The following VEGFC variants were observed in gnomAD, a reference collection of about 807,000 sequenced individuals.
The protein encoded by VEGFC is vascular endothelial growth factor C.
A neutral mutation model predicts 46.1 loss-of-function variants in VEGFC; 12 were observed. The observed-to-expected ratio is 0.26, with a 90% confidence interval of 0.17 to 0.42. The LOEUF (loss-of-function observed/expected upper bound fraction) is 0.42. Among genes scored for constraint, VEGFC ranks in the 10% least tolerant of loss-of-function variants. The probability of loss-of-function intolerance (pLI) is 1.00; values close to 1 mark genes in which losing one functional copy is unlikely to be tolerated. For synonymous variants in VEGFC, 232 were observed against 195.5 expected (o/e 1.19, Z -1.56); for missense variants, 488 against 529.4 (o/e 0.92, Z 0.77).
intron 1 of VEGFC, among the ~76,000 whole-genome samples, chr4:176,777,697 G>A (rs1415781241): frequency 3.4e-5 from 5 of 149,222 alleles, no homozygotes; most frequent in East Asian, 1.9e-4. Context: ...CGAGGCAGGC[G>A]GATCACAAGG....
rs548245898 is a variant in VEGFC at position 176,731,105 on chromosome 4, G to A, written c.148-1359C>T. 2.4e-3 allele frequency among the ~76,000 whole-genome samples: 362 copies of A among 152,074 alleles called. 1 individual carries two copies. The highest frequency in any genetic ancestry group is 4.4e-3 in the Non-Finnish European group (297 of 67,968). The stretch of plus-strand genomic sequence containing the variant: ...ATTCCATTACTTTCTGAAGTATATG[G>A]GATGATTCCTGATACACCATACAGC... On this transcript the variant is annotated intron_variant, in intron 1 of 6. Transcript: ENST00000618562.
intron 6 of VEGFC, among the ~76,000 whole-genome samples, chr4:176,685,229 C>G (rs1325323925): frequency 6.6e-6 from 1 of 152,124 alleles, no homozygotes; most frequent in African/African-American, 2.4e-5. Context: ...TTAAACTTTG[C>G]AAATGCAAAT....
At position 176,792,191 on chromosome 4, in the gene VEGFC, C is replaced by G. The variant is rs575735491; in HGVS notation, c.121G>C (p.Ala41Pro). 1.4e-5 allele frequency: 22 copies of G among 1,533,976 alleles called. No individual in the cohort carries two copies. The East Asian group carries it at 4.9e-4, about 34-fold the overall frequency. ...AFESGLDLSD[A>P]EPDAGEATAY... ...GTGGCCTCGCCCGCGTCGGGCTCCG[C>G]GTCCGAGAGGTCGAGTCCGGACTCG... The change falls in exon 1 of 7, where the codon GCG (alanine) becomes CCG (proline). Residue 41 changes from alanine (A) to proline (P), a missense_variant. Transcript: ENST00000618562. The surrounding 1 kb of genome is among the most constrained non-coding windows in gnomAD (Gnocchi z 6.3).
intron 4 of VEGFC, 110 bp from the exon 5 acceptor site, chr4:176,688,037 T>C (rs1431472194): frequency 3.5e-6 from 2 of 565,708 alleles, no homozygotes; most frequent in Non-Finnish European, 6.2e-6. Context: ...TTTAAAAATA[T>C]AAGAATTATG....
At chr4:176,758,360 T>C (rs1244834770) in intron 1 of VEGFC, among the ~76,000 whole-genome samples, 1 of 152,138 alleles carries the variant, frequency 6.6e-6, no homozygotes, top group Admixed American at 6.6e-5. Flanking sequence ...ACCTCACCGA[T>C]CTACCAAATG....
At position 176,726,479 on chromosome 4, in the gene VEGFC, T is replaced by C. The variant is rs116548087; in HGVS notation, c.552+1299A>G. Among the ~76,000 whole-genome samples the C allele has an allele frequency of 3.6e-3, 544 of 152,328 alleles. 3 individuals are homozygous for C. The highest frequency in any genetic ancestry group is 0.011 in the African/African-American group (478 of 41,578). On this transcript the variant is annotated intron_variant, in intron 3 of 6. Transcript: ENST00000618562. ...GAATAGAAAATTTAGCTTTATAATT[T>C]ATTTTTTGTTTCTTCTTGCAAGTCT...
At position 176,683,947 on chromosome 4, in the gene VEGFC, C is replaced by A; in HGVS notation, c.1239G>T (p.Trp413Cys). ...EEVCRCVPSY[W>C]KRPQMS Reference sequence around the variant, plus strand: ...AATCTTAGCTCATTTGTGGTCTTTTCCAATATGAAGGGACACAACGACACA... The same window carrying A: ...AATCTTAGCTCATTTGTGGTCTTTTACAATATGAAGGGACACAACGACACA... Residue 413 changes from tryptophan to cysteine, a missense_variant, in exon 7 of 7, where the codon TGG (tryptophan) becomes TGT (cysteine). Coordinates refer to ENST00000618562, the MANE Select transcript of VEGFC (RefSeq NM_005429.5). 2 of 1,614,046 alleles carry A rather than the reference C, an allele frequency of 1.2e-6. No individual in the cohort carries two copies. The highest frequency in any genetic ancestry group is 1.7e-6 in the Non-Finnish European group (2 of 1,179,934).
chr4:176,765,729 A>G (rs1735609496), intron 1 of VEGFC, among the ~76,000 whole-genome samples: 1 of 151,774 alleles, frequency 6.6e-6, no homozygotes, highest in South Asian at 2.1e-4. Flanking sequence ...TAATTTTTGT[A>G]TTTTTAGTAG....
At chr4:176,684,124 A>C (rs779454260) in intron 6 of VEGFC, 84 bp from the exon 7 acceptor site, 37 of 998,550 alleles carry the variant, frequency 3.7e-5, no homozygotes, top group Non-Finnish European at 5.1e-5. Context: ...TGTGTTTTTA[A>C]ATTTCAGACT....
At chr4:176,754,485 T>C (rs1200091036) in intron 1 of VEGFC, among the ~76,000 whole-genome samples, 3 of 152,068 alleles carry the variant, frequency 2.0e-5, no homozygotes, top group African/African-American at 4.8e-5. Context: ...AGAAGCTCCA[T>C]GCTCTCCTTG....
intron 1 of VEGFC, among the ~76,000 whole-genome samples, chr4:176,750,806 T>A (rs1342068180): frequency 7.2e-6 from 1 of 139,410 alleles, no homozygotes; most frequent in Non-Finnish European, 1.5e-5. Flanking sequence ...AGAACCAATG[T>A]TTTTTTACCA....
At chr4:176,722,485 T>C (rs1314975615) in intron 3 of VEGFC, among the ~76,000 whole-genome samples, 2 of 61,786 alleles carry the variant, frequency 3.2e-5, no homozygotes. Context: ...ATTTTTTTCT[T>C]TTGTTTTTTT....
At chr4:176,786,864 A>G (rs1414261693) in intron 1 of VEGFC, among the ~76,000 whole-genome samples, 1 of 152,174 alleles carries the variant, frequency 6.6e-6, no homozygotes, top group Non-Finnish European at 1.5e-5. Flanking sequence ...TGCCTCTTCC[A>G]GGCAGCCCCA....
chr4:176,692,179 G>A (rs1374130897), intron 4 of VEGFC, among the ~76,000 whole-genome samples: 2 of 151,424 alleles, frequency 1.3e-5, no homozygotes, highest in Non-Finnish European at 2.9e-5. Flanking sequence ...CGGATCACGA[G>A]GTCAGGAGAT....
intron 1 of VEGFC, among the ~76,000 whole-genome samples, chr4:176,777,012 A>C (rs968485532): frequency 2.6e-5 from 4 of 152,168 alleles, no homozygotes; most frequent in African/African-American, 7.2e-5. Context: ...TTTTAACTTC[A>C]CTGAACATTA....
intron 1 of VEGFC, among the ~76,000 whole-genome samples, chr4:176,751,559 A>C (rs1047122123): frequency 2.6e-5 from 4 of 152,052 alleles, no homozygotes; most frequent in African/African-American, 9.7e-5. Flanking sequence ...GAGAATTGCT[A>C]ACCCATGGGT....
chr4:176,727,174 C>T (rs1197244015), intron 3 of VEGFC, among the ~76,000 whole-genome samples: 2 of 152,138 alleles, frequency 1.3e-5, no homozygotes, highest in African/African-American at 4.8e-5. Flanking sequence ...TGATCCAAAG[C>T]CAACCTTAAG....
chr4:176,710,338 T>G (rs1474375839), intron 4 of VEGFC, among the ~76,000 whole-genome samples: 1 of 152,158 alleles, frequency 6.6e-6, no homozygotes, highest in Admixed American at 6.5e-5. Flanking sequence ...GGCATCCTCT[T>G]GAGTTCAGAT....
chr4:176,715,614 G>A (rs1734686471), intron 3 of VEGFC, among the ~76,000 whole-genome samples: 2 of 152,034 alleles, frequency 1.3e-5, no homozygotes, highest in African/African-American at 4.8e-5. Context: ...CATGATTACA[G>A]TTTCTACTGC....
Sources: allele counts gnomAD v4.1 joint callset (sites outside exome capture counted in the v4.1 genomes callset), GRCh38; gene constraint gnomAD v4.1.1; non-coding constraint Gnocchi (gnomAD v3.1); transcripts MANE v1.5; gene names NCBI Gene and HGNC (gene_info 2026-07-23, HGNC 2026-07-21).